TRIM8: variants seen among roughly 807,000 people sequenced by gnomAD.
TRIM8 encodes E3 ubiquitin-protein ligase TRIM8.
A neutral mutation model predicts 55.7 loss-of-function variants in TRIM8; 9 were observed. That is an observed-to-expected ratio of 0.16 (90% CI 0.10 to 0.28). The LOEUF (loss-of-function observed/expected upper bound fraction) is 0.28. Ranked by LOEUF, TRIM8 falls within the 10% of genes least tolerant of loss-of-function variation. The pLI, the probability that TRIM8 is intolerant of heterozygous loss-of-function variation, is 1.00. For synonymous variants in TRIM8, 335 were observed against 333.3 expected, an observed-to-expected ratio of 1.01 and a Z score of -0.06; for missense variants, 556 against 736.4, an observed-to-expected ratio of 0.76 and a Z score of 2.83.
At position 102,657,075 on chromosome 10, in the gene TRIM8, G is replaced by A; in HGVS notation, c.1377G>A (p.Gln459=). 1 of 1,613,564 alleles carries A rather than the reference G, an allele frequency of 6.2e-7. No individual in the cohort carries two copies. Among genetic ancestry groups the A allele is most frequent in the Non-Finnish European group, 8.5e-7 (1 of 1,179,978 alleles). The change falls in exon 6 of 6, where the codon CAG becomes CAA. Residue 459 remains glutamine (Q), a synonymous_variant. Coordinates refer to ENST00000643721, the MANE Select transcript of TRIM8 (RefSeq NM_030912.3). ...CCGCCCAGCAGCCCATGCTCCCCCA[G>A]TATGGCGGCCGCAAGATTCTCGTCT... ...GSAAQQPMLP[Q]YGGRKILVCS... is the part of the protein sequence containing the mutation.
intron 1 of TRIM8, among the ~76,000 whole-genome samples, chr10:102,651,700 GTCC>G (rs1449639933): frequency 6.6e-6 from 1 of 152,254 alleles, no homozygotes; most frequent in East Asian, 1.9e-4. Flanking sequence ...GGGGGGCCCT[GTCC>G]TCCTGAGGGT....
In TRIM8 at chr10:102,654,610, G is replaced by A. The variant is rs184821495; in HGVS notation, c.571-43G>A. 2.4e-5 allele frequency: 36 copies of A among 1,477,908 alleles called. No individual in the cohort carries two copies. The Middle Eastern group carries it at 1.0e-3, about 42-fold the overall frequency. 91.5% of individuals were successfully genotyped at this position (1,477,908 alleles called of 1,614,324 possible). A position where few individuals can be genotyped will look rare whatever the true frequency, so the allele number is the denominator to read the frequency against. ...TAGAGGGAAGCATGGGTCAGGGTTG[G>A]AGCCACAGTCCCTCTGATACTCCCA... On this transcript the variant is annotated intron_variant, in intron 1 of 5. Transcript: ENST00000643721.
chr10:102,645,019 G>T lies in TRIM8; in HGVS notation c.402G>T (p.Leu134=). 1 of 1,595,736 alleles carries T rather than the reference G, an allele frequency of 6.3e-7. No homozygotes were observed. ...QQPSTARGHL[L]VEADDVRAWS... ...CCTCCACCGCCCGCGGGCACCTCCT[G>T]GTGGAGGCGGACGACGTGCGGGCCT... Residue 134 remains leucine, a synonymous_variant, in exon 1 of 6, where the codon CTG becomes CTT. Coordinates refer to ENST00000643721, the MANE Select transcript of TRIM8 (RefSeq NM_030912.3).
chr10:102,655,082 G>T lies in TRIM8; in HGVS notation c.669G>T (p.Glu223Asp). 1 of 1,612,886 alleles carries T rather than the reference G, an allele frequency of 6.2e-7. No individual in the cohort carries two copies. Among genetic ancestry groups the T allele is most frequent in the South Asian group, 1.1e-5 (1 of 91,014 alleles). Residue 223 changes from glutamate (E) to aspartate (D), a missense_variant and splice_region_variant, in exon 3 of 6, where the codon GAG (glutamate) becomes GAT (aspartate). Around this residue, in one of 2 missense-constraint regions of TRIM8, gnomAD observed 391 missense variants for 441.0 expected, o/e 0.89. Transcript: ENST00000643721. The stretch of plus-strand genomic sequence containing the variant: ...ACTCCTGCCCTCTGTACTCGCAGGA[G>T]AAAGTGAACCAACTGAAGGAGGAAG... The part of the protein sequence containing the change: ...KLESDKRLVE[E>D]KVNQLKEEVR...
chr10:102,657,645 T>C lies in TRIM8; in HGVS notation c.*291T>C. 3.3e-6 allele frequency: 1 copy of C among 306,664 alleles called. No homozygotes were observed. The highest frequency in any genetic ancestry group is 9.4e-4 in the Middle Eastern group (1 of 1,064). The allele number at this position is 306,664 out of a possible 1,614,324, so 19.0% of individuals were successfully genotyped here. On this transcript the variant is annotated 3_prime_UTR_variant, in exon 6 of 6. Transcript: ENST00000643721. ...GTCGAGGCGCTGAGCTCTCTCTCTG[T>C]TTCTCCTTTTTTCCTCTACTCCTTC...
In TRIM8 at chr10:102,656,100, CA is replaced by C. The variant is rs747024460; in HGVS notation, c.901-4del. 1 of 1,614,178 alleles carries C rather than the reference CA, an allele frequency of 6.2e-7. No individual in the cohort carries two copies. The highest frequency in any genetic ancestry group is 1.1e-5 in the South Asian group (1 of 91,084). Reference sequence around the variant, plus strand: ...CACTGACTTGACTCTTTTCTCTCCCCAACAGAACACCAAGTCTGTGAAAATC... The same window carrying C: ...CACTGACTTGACTCTTTTCTCTCCCCACAGAACACCAAGTCTGTGAAAATC... On this transcript the variant is annotated splice_region_variant and splice_polypyrimidine_tract_variant and intron_variant, in intron 3 of 5. Coordinates refer to ENST00000643721, the MANE Select transcript of TRIM8 (RefSeq NM_030912.3). This position sits in a 1 kb window ranked among gnomAD's most constrained non-coding sequence, Gnocchi z 4.6.
intron 1 of TRIM8, among the ~76,000 whole-genome samples, chr10:102,650,564 C>T (rs144428374): frequency 1.3e-5 from 2 of 152,326 alleles, no homozygotes; most frequent in Non-Finnish European, 2.9e-5. Context: ...GCCCAGGCCA[C>T]GTTCCACTCT....
chr10:102,655,185 C>G lies in TRIM8; in HGVS notation c.772C>G (p.Gln258Glu). Residue 258 changes from glutamine to glutamate, a missense_variant, in exon 3 of 6, where the codon CAG becomes GAG. By Grantham distance (29) the Gln-to-Glu change is conservative. Transcript: ENST00000643721. ...RQTVEVLDKA[Q>E]AKFCSENAAQ... is the part of the protein sequence containing the mutation. ...GACAGTGGAGGTCCTAGACAAGGCC[C>G]AGGCCAAGTTCTGCAGCGAGAACGC... The G allele has an allele frequency of 6.2e-7, 1 of 1,610,046 alleles. No homozygotes were observed. Among genetic ancestry groups the G allele is most frequent in the Non-Finnish European group, 8.5e-7 (1 of 1,178,852 alleles).
chr10:102,656,019 AG>A lies in TRIM8; in HGVS notation c.901-80del, dbSNP rs1407052723. ...GATCCACCCAGCCTGGGGGAGGCTC[AG>A]GGGGGGCAGCTTTTGTCTTCCCCTC... On this transcript the variant is annotated intron_variant, in intron 3 of 5. Transcript: ENST00000643721. This position sits in a 1 kb window ranked among gnomAD's most constrained non-coding sequence, Gnocchi z 4.6. 6.9e-6 allele frequency: 11 copies of A among 1,596,932 alleles called. No homozygotes were observed. Among genetic ancestry groups the A allele is most frequent in the Admixed American group, 1.7e-5 (1 of 59,920 alleles).
In TRIM8 at chr10:102,656,162, C is replaced by G. The variant is rs201148508; in HGVS notation, c.932+25C>G. 1.2e-6 allele frequency: 2 copies of G among 1,614,086 alleles called. No individual in the cohort carries two copies. Among genetic ancestry groups the G allele is most frequent in the Non-Finnish European group, 1.7e-6 (2 of 1,180,004 alleles). ...GGTAAGCTGAGGGCCCTAGCCCTCC[C>G]GGGGGCACATCCTGGGGAGGGCAGG... is the stretch of plus-strand genomic sequence containing the variant. On this transcript the variant is annotated intron_variant, in intron 4 of 5. Transcript: ENST00000643721. The surrounding 1 kb of genome is among the most constrained non-coding windows in gnomAD (Gnocchi z 4.6).
Position 102,654,744 on chromosome 10 carries a change from T to C in TRIM8, c.662T>C (p.Val221Ala). ...AAACTCGAGTCAGACAAGCGCCTGG[T>C]GGAGGTAGCTAAGCCCAAGGCCATG... ...LYKLESDKRLVEEKVNQLKEE... is the reference protein window; with the variant it reads ...LYKLESDKRLAEEKVNQLKEE... Residue 221 changes from valine to alanine, a missense_variant, in exon 2 of 6, where the codon GTG becomes GCG. Val to Ala is a moderately conservative substitution (Grantham distance 64). This residue lies in a region of TRIM8 where 391 missense variants were observed against 441.0 expected (regional missense o/e 0.89). Coordinates refer to ENST00000643721, the MANE Select transcript of TRIM8 (RefSeq NM_030912.3). 1 of 1,613,490 alleles carries C rather than the reference T, an allele frequency of 6.2e-7. No individual in the cohort carries two copies. Among genetic ancestry groups the C allele is most frequent in the Non-Finnish European group, 8.5e-7 (1 of 1,179,454 alleles).
At chr10:102,649,619 T>C (rs942948779) in intron 1 of TRIM8, among the ~76,000 whole-genome samples, 1 of 152,144 alleles carries the variant, frequency 6.6e-6, no homozygotes, top group South Asian at 2.1e-4. Flanking sequence ...CCCAGAGCGC[T>C]GCTCTCTGCA....
At chr10:102,655,364 A>G in intron 3 of TRIM8, 51 bp downstream of exon 3, 2 of 1,541,010 alleles carry the variant, frequency 1.3e-6, no homozygotes, top group Non-Finnish European at 1.8e-6. Flanking sequence ...CCATTTCCAA[A>G]TTGAGATCTG....
intron 1 of TRIM8, chr10:102,645,875 C>T (rs1259301533): frequency 6.6e-6 from 1 of 152,288 alleles, no homozygotes; most frequent in African/African-American, 2.4e-5. Context: ...ATGAACAAGC[C>T]TTCAAGTATC....
chr10:102,648,607 C>T (rs757189858), intron 1 of TRIM8, among the ~76,000 whole-genome samples: 4 of 152,138 alleles, frequency 2.6e-5, no homozygotes, highest in Non-Finnish European at 5.9e-5. Context: ...CCCTGAGACC[C>T]TGGAGGGAAT....
At position 102,644,733 on chromosome 10, in the gene TRIM8, T is replaced by C. The variant is rs1464528598; in HGVS notation, c.116T>C (p.Ile39Thr). The C allele has an allele frequency of 6.2e-7, 1 of 1,613,266 alleles. No individual in the cohort carries two copies. The highest frequency in any genetic ancestry group is 8.5e-7 in the Non-Finnish European group (1 of 1,179,890). ...PCKHNFCRGC[I>T]GEAWAKDSGL... ...AAACACAACTTCTGCCGGGGCTGCA[T>C]CGGCGAGGCGTGGGCCAAGGACAGC... Residue 39 changes from isoleucine to threonine, a missense_variant, in exon 1 of 6, where the codon ATC becomes ACC. Transcript: ENST00000643721.
Position 102,656,982 on chromosome 10 carries a change from G to C in TRIM8, c.1284G>C (p.Leu428=), listed in dbSNP as rs1327622549. ...PCSSTQHLVA[L]PGGAQPVHSS... ...GCTCCACGCAGCACTTGGTGGCCCT[G>C]CCGGGCGGCGCCCAACCAGTGCACT... Residue 428 remains leucine, a synonymous_variant, in exon 6 of 6, where the codon CTG becomes CTC. Transcript: ENST00000643721. The surrounding 1 kb of genome is among the most constrained non-coding windows in gnomAD (Gnocchi z 4.6). 4.3e-6 allele frequency: 7 copies of C among 1,612,336 alleles called. No homozygotes were observed. The South Asian group carries it at 7.7e-5, about 18-fold the overall frequency.
intron 1 of TRIM8, among the ~76,000 whole-genome samples, chr10:102,647,985 A>G (rs1358620346): frequency 6.6e-6 from 1 of 152,216 alleles, no homozygotes; most frequent in Non-Finnish European, 1.5e-5. Flanking sequence ...TCTCAGAATC[A>G]GGCCCAAGCA....
In TRIM8 at chr10:102,656,399, G is replaced by A. The variant is rs747825228; in HGVS notation, c.1048+14G>A. 12 of 1,604,828 alleles carry A rather than the reference G, an allele frequency of 7.5e-6. No individual in the cohort carries two copies. The highest frequency in any genetic ancestry group is 9.4e-6 in the Non-Finnish European group (11 of 1,175,132). ...AAATGCTAGAAGGTGAGGGTGGGGTGTTCCGCCGAAGGGAGACAGGGACCT... is the reference window on the plus strand; with the variant it reads ...AAATGCTAGAAGGTGAGGGTGGGGTATTCCGCCGAAGGGAGACAGGGACCT... On this transcript the variant is annotated intron_variant, in intron 5 of 5. Coordinates refer to ENST00000643721, the MANE Select transcript of TRIM8 (RefSeq NM_030912.3). The surrounding 1 kb of genome is among the most constrained non-coding windows in gnomAD (Gnocchi z 4.6).
Sources: allele counts gnomAD v4.1 joint callset (sites outside exome capture counted in the v4.1 genomes callset), GRCh38; gene constraint gnomAD v4.1.1; regional missense constraint gnomAD v4.1.1; non-coding constraint Gnocchi (gnomAD v3.1); transcripts MANE v1.5; gene names NCBI Gene and HGNC (gene_info 2026-07-23, HGNC 2026-07-21).